Variants in ADIPOR1 observed in about 807,000 individuals in gnomAD.
The protein encoded by ADIPOR1 is adiponectin receptor protein 1.
Under a neutral mutation model 37.5 loss-of-function variants are expected in ADIPOR1, and 15 were observed. The observed-to-expected ratio is 0.40, with a 90% CI of 0.27 to 0.62. The LOEUF is 0.62. Among genes scored for constraint, ADIPOR1 ranks in the 20% least tolerant of loss-of-function variants. ADIPOR1 has a pLI of 0.42. For missense variants in ADIPOR1, 286 were observed against 478.0 expected (o/e 0.60, Z 3.75); for synonymous variants, 173 against 173.2 (o/e 1.00, Z 0.01).
At chr1:202,956,741 T>C (rs1654800205) in intron 1 of ADIPOR1, among the ~76,000 whole-genome samples, 1 of 152,344 alleles carries the variant, frequency 6.6e-6, no homozygotes, top group East Asian at 1.9e-4. Context: ...CAATTCATTT[T>C]TCCATAGAGT....
chr1:202,954,852 C>A (rs1654715802), intron 1 of ADIPOR1, among the ~76,000 whole-genome samples: 1 of 152,122 alleles, frequency 6.6e-6, no homozygotes, highest in Admixed American at 6.5e-5. Flanking sequence ...ATATTGTGAA[C>A]CAATTCCCAA....
At position 202,946,538 on chromosome 1, in the gene ADIPOR1, G is replaced by T; in HGVS notation, c.331C>A (p.Leu111Ile). The T allele has an allele frequency of 6.2e-7, 1 of 1,614,106 alleles. No individual in the cohort carries two copies. The change falls in exon 4 of 8, where the codon CTA becomes ATA. Residue 111 changes from leucine (L) to isoleucine (I), a missense_variant. Transcript: ENST00000340990. ...PDWLKDNDYL[L>I]HGHRPPMPSF... ...GGCATGGGAGGTCTATGACCATGTA[G>T]CAGATAGTCGTTGTCCTTTAGCCAG...
chr1:202,950,962 T>G lies in ADIPOR1; in HGVS notation c.109A>C (p.Lys37Gln). 1 of 1,614,160 alleles carries G rather than the reference T, an allele frequency of 6.2e-7. No homozygotes were observed. Among genetic ancestry groups the G allele is most frequent in the Non-Finnish European group, 8.5e-7 (1 of 1,180,016 alleles). Residue 37 changes from lysine (K) to glutamine (Q), a missense_variant, in exon 2 of 8, where the codon AAG becomes CAG. Coordinates refer to ENST00000340990, the MANE Select transcript of ADIPOR1 (RefSeq NM_015999.6). ...GGGTTGGCGATTACCCGTTTGCCCT[T>G]CTCTTCTAGCAGGGGTCCCAGTTCA... is the stretch of plus-strand genomic sequence containing the variant. ...LAELGPLLEEKGKRVIANPPK... is the reference protein window; with the variant it reads ...LAELGPLLEEQGKRVIANPPK...
Position 202,941,449 on chromosome 1 carries a change from T to C in ADIPOR1, c.*124A>G. The C allele has an allele frequency of 2.4e-6, 3 of 1,252,848 alleles. No individual in the cohort carries two copies. Among genetic ancestry groups the C allele is most frequent in the Non-Finnish European group, 3.3e-6 (3 of 917,262 alleles). 77.6% of individuals were successfully genotyped at this position (1,252,848 alleles called of 1,614,324 possible). A position where few individuals can be genotyped will look rare whatever the true frequency, so the allele number is the denominator to read the frequency against. On this transcript the variant is annotated 3_prime_UTR_variant, in exon 8 of 8. Coordinates refer to ENST00000340990, the MANE Select transcript of ADIPOR1 (RefSeq NM_015999.6). ...TGAAAGTGGGCTGAAGCTTGGTTGG[T>C]ACTGAATTCTCTAAGAGGTTTCTTC...
In ADIPOR1 at chr1:202,941,770, C is replaced by T. The variant is rs1654098403; in HGVS notation, c.1000-69G>A. The T allele has an allele frequency of 2.4e-5, 37 of 1,533,426 alleles. No individual in the cohort carries two copies. In the East Asian group the frequency reaches 7.0e-4, roughly 29 times the overall value. 95.0% of individuals were successfully genotyped at this position (1,533,426 alleles called of 1,614,324 possible). A position where few individuals can be genotyped will look rare whatever the true frequency, so the allele number is the denominator to read the frequency against. ...GGAATAAGAAACAAGTAGGAGAAAG[C>T]ATTTGCTTCTTCTAGTTTATCCTTA... On this transcript the variant is annotated intron_variant, in intron 7 of 7. Coordinates refer to ENST00000340990, the MANE Select transcript of ADIPOR1 (RefSeq NM_015999.6).
intron 1 of ADIPOR1, among the ~76,000 whole-genome samples, chr1:202,952,034 C>G (rs1338470051): frequency 6.6e-6 from 1 of 152,166 alleles, no homozygotes; most frequent in African/African-American, 2.4e-5. Flanking sequence ...GGAAAAATCT[C>G]AGACACTTTA....
At chr1:202,954,416 A>C (rs746606887) in intron 1 of ADIPOR1, 14 of 152,240 alleles carry the variant, frequency 9.2e-5, no homozygotes, top group Non-Finnish European at 1.8e-4. Context: ...GGGGTGGATC[A>C]CTCACAAACA....
chr1:202,958,373 T>C (rs7529354), upstream of ADIPOR1: 129,874 of 152,492 alleles, frequency 0.85, 55,411 homozygotes, highest in Middle Eastern at 0.93. Context: ...CCTCCAATCC[T>C]AGGCCCTCTC....
At chr1:202,947,116 C>CA (rs1237934762) in intron 3 of ADIPOR1, among the ~76,000 whole-genome samples, 4 of 150,856 alleles carry the variant, frequency 2.7e-5, no homozygotes, top group South Asian at 2.1e-4. Context: ...ACTCTGTATT[C>CA]AAAAAAAACA....
In ADIPOR1 at chr1:202,949,016, C is replaced by T. The variant is rs1654448542; in HGVS notation, c.142-596G>A. ...ATGTTGGCCAGGCTGTTCTCAATCT[C>T]CTGACCTCACGTGATCCTCCTGCCT... On this transcript the variant is annotated intron_variant, in intron 2 of 7. Transcript: ENST00000340990. 2.0e-5 allele frequency among the ~76,000 whole-genome samples: 3 copies of T among 151,868 alleles called. 1 individual carries two copies. In the South Asian group the frequency reaches 6.3e-4, roughly 32 times the overall value.
chr1:202,943,485 T>C (rs1190906719), intron 6 of ADIPOR1, among the ~76,000 whole-genome samples: 1 of 152,226 alleles, frequency 6.6e-6, no homozygotes, highest in Non-Finnish European at 1.5e-5. Context: ...ATTTTTAAAC[T>C]GTCACAAACC....
At chr1:202,950,524 C>G (rs1654530528) in intron 2 of ADIPOR1, among the ~76,000 whole-genome samples, 5 of 151,988 alleles carry the variant, frequency 3.3e-5, no homozygotes, top group Admixed American at 2.6e-4. Flanking sequence ...AGGTGCCTGA[C>G]AGTGGTGGAT....
intron 4 of ADIPOR1, 55 bp downstream of exon 4, chr1:202,946,384 C>A (rs895842670): frequency 5.0e-6 from 8 of 1,604,196 alleles, no homozygotes; most frequent in Non-Finnish European, 6.8e-6. Context: ...GCTCTATAAT[C>A]CCTTCGCAGT....
At chr1:202,950,654 T>G (rs537852874) in intron 2 of ADIPOR1, among the ~76,000 whole-genome samples, 10 of 152,326 alleles carry the variant, frequency 6.6e-5, no homozygotes, top group African/African-American at 2.4e-4. Context: ...CCTAATTGAC[T>G]GCTTCCTTCA....
In ADIPOR1 at chr1:202,946,436, C is replaced by A. The variant is rs1654320879; in HGVS notation, c.430+3G>T. Reference sequence around the variant, plus strand: ...TCCACCTTTCCCCATCCAAATCACTCACCAAGCAGATGGGTCCAGATGTTG... The same window carrying A: ...TCCACCTTTCCCCATCCAAATCACTAACCAAGCAGATGGGTCCAGATGTTG... On this transcript the variant is annotated splice_donor_region_variant and intron_variant, in intron 4 of 7. Transcript: ENST00000340990. 1 of 1,613,814 alleles carries A rather than the reference C, an allele frequency of 6.2e-7. No homozygotes were observed.
In ADIPOR1 at chr1:202,951,117, G is replaced by A. The variant is rs757839177; in HGVS notation, c.-47C>T. ...TGCAGCTTCAGCTTGGGGAAAGGTT[G>A]GGGTCTCTCAGCCCCAGGGGGCAGA... On this transcript the variant is annotated 5_prime_UTR_variant, in exon 2 of 8. Coordinates refer to ENST00000340990, the MANE Select transcript of ADIPOR1 (RefSeq NM_015999.6). 4 of 1,611,094 alleles carry A rather than the reference G, an allele frequency of 2.5e-6. No individual in the cohort carries two copies. Among genetic ancestry groups the A allele is most frequent in the African/African-American group, 2.7e-5 (2 of 74,848 alleles).
At chr1:202,953,356 T>C (rs930038735) in intron 1 of ADIPOR1, among the ~76,000 whole-genome samples, 2 of 152,138 alleles carry the variant, frequency 1.3e-5, no homozygotes, top group African/African-American at 4.8e-5. Context: ...ACTAAGTTAC[T>C]GTTGGAAGTA....
At chr1:202,957,557 C>T (rs1426140885) in intron 1 of ADIPOR1, among the ~76,000 whole-genome samples, 1 of 152,102 alleles carries the variant, frequency 6.6e-6, no homozygotes, top group African/African-American at 2.4e-5. Context: ...ATCCTAGATA[C>T]CTAAGGTAAT....
chr1:202,951,938 A>C (rs1654591813), intron 1 of ADIPOR1, among the ~76,000 whole-genome samples: 1 of 152,216 alleles, frequency 6.6e-6, no homozygotes, highest in African/African-American at 2.4e-5. Flanking sequence ...ACCACAACCC[A>C]TAATCTAAGC....
Sources: gnomAD v4.1 joint callset for allele counts (sites outside exome capture counted in the v4.1 genomes callset) on GRCh38, gnomAD v4.1.1 for gene constraint, MANE v1.5 for transcripts, NCBI Gene and HGNC (gene_info 2026-07-23, HGNC 2026-07-21) for gene names.